Variants in AGO4 observed in about 807,000 individuals in gnomAD.
The protein encoded by AGO4 is protein argonaute-4.
A neutral mutation model predicts 104.7 loss-of-function variants in AGO4; 33 were observed. That is an observed-to-expected ratio of 0.32 (90% CI 0.24 to 0.42). AGO4 has a LOEUF of 0.42. Ranked by LOEUF, AGO4 falls within the 10% of genes least tolerant of loss-of-function variation. The pLI is 1.00. For synonymous variants in AGO4, 331 were observed against 364.7 expected, an observed-to-expected ratio of 0.91 and a Z score of 1.05; for missense variants, 711 against 1,083.4, an observed-to-expected ratio of 0.66 and a Z score of 4.83.
chr1:35,811,991 A>G (rs930820629), intron 1 of AGO4, among the ~76,000 whole-genome samples: 4 of 152,170 alleles, frequency 2.6e-5, no homozygotes, highest in African/African-American at 9.7e-5. Flanking sequence ...ACCGAGATGC[A>G]GAGAGGCCAA....
rs1644435640 is a variant in AGO4 at position 35,841,297 on chromosome 1, C to G, written c.1857C>G (p.Ala619=). The change falls in exon 14 of 18, where the codon GCC becomes GCG. Residue 619 remains alanine, a synonymous_variant. Transcript: ENST00000373210. This position sits in a 1 kb window ranked among gnomAD's most constrained non-coding sequence, Gnocchi z 4.7. ...SMDGHPSRYC[A]TVRVQTSRQE... ...ATGGCCACCCCAGCCGGTACTGTGC[C>G]ACCGTTCGGGTGCAGACTTCCCGGC... 1 of 1,614,182 alleles carries G rather than the reference C, an allele frequency of 6.2e-7. No homozygotes were observed. Among genetic ancestry groups the G allele is most frequent in the Non-Finnish European group, 8.5e-7 (1 of 1,180,034 alleles).
At chr1:35,832,404 T>G (rs1644207700) in intron 10 of AGO4, 33 bp from the exon 11 acceptor site, 1 of 1,546,796 alleles carries the variant, frequency 6.5e-7, no homozygotes, top group Non-Finnish European at 8.7e-7. Context: ...TTGTTTCTTC[T>G]TCTTCTTCTT....
At chr1:35,817,164 G>C (rs1643737699) in intron 2 of AGO4, 117 bp downstream of exon 2, 1 of 1,119,346 alleles carries the variant, frequency 8.9e-7, no homozygotes, top group Non-Finnish European at 1.2e-6. Context: ...AAGATGATAG[G>C]TTTCTTAATA....
intron 17 of AGO4, among the ~76,000 whole-genome samples, 196 bp from the exon 18 acceptor site, chr1:35,853,301 G>C (rs1644750493): frequency 6.6e-6 from 1 of 151,558 alleles, no homozygotes; most frequent in South Asian, 2.1e-4. Context: ...TATTTAGAAG[G>C]ACATAACAAA....
In AGO4 at chr1:35,822,975, G is replaced by A. The variant is rs528813399; in HGVS notation, c.299G>A (p.Arg100Gln). The A allele has an allele frequency of 6.2e-6, 10 of 1,613,766 alleles. No individual in the cohort carries two copies. The highest frequency in any genetic ancestry group is 4.5e-5 in the East Asian group (2 of 44,866). The change falls in exon 3 of 18, where the codon CGG becomes CAG. Residue 100 changes from arginine (R) to glutamine (Q), a missense_variant. This residue lies in a region of AGO4 where 308 missense variants were observed against 397.8 expected (regional missense o/e 0.77). Coordinates refer to ENST00000373210, the MANE Select transcript of AGO4 (RefSeq NM_017629.4). ...MYTAHPLPIG[R>Q]DRVDMEVTLP... is the part of the protein sequence containing the mutation. ...ACAGCACATCCACTACCAATTGGAC[G>A]GGATAGGGTAAGTGTTAAGAGCAAG...
chr1:35,826,164 A>G (rs1571274560), intron 6 of AGO4, 104 bp downstream of exon 6: 1 of 1,421,518 alleles, frequency 7.0e-7, no homozygotes, highest in Non-Finnish European at 9.5e-7. Flanking sequence ...CAGGCTAACC[A>G]CTTCTATCAA....
intron 15 of AGO4, among the ~76,000 whole-genome samples, chr1:35,844,195 T>A (rs1379025634): frequency 6.6e-6 from 1 of 152,032 alleles, no homozygotes; most frequent in African/African-American, 2.4e-5. Context: ...GCACTCACCA[T>A]CACTCTTGGC....
At chr1:35,832,268 G>C in intron 10 of AGO4, 83 bp downstream of exon 10, 1 of 1,560,582 alleles carries the variant, frequency 6.4e-7, no homozygotes, top group East Asian at 2.2e-5. Flanking sequence ...CTCTGCCACT[G>C]CTGAATTTAC....
chr1:35,830,180 A>G (rs1437170907), intron 7 of AGO4, among the ~76,000 whole-genome samples: 1 of 149,276 alleles, frequency 6.7e-6, no homozygotes, highest in Non-Finnish European at 1.5e-5. Context: ...TAAAGTTATT[A>G]TTGTACTAAG....
In AGO4 at chr1:35,841,496, C is replaced by T; in HGVS notation, c.2040+16C>T. ...AATGAAACAGGTACTCTCATTATCC[C>T]TGTTGCCCTTCGGGGCCCCTAGGAG... On this transcript the variant is annotated intron_variant, in intron 14 of 17. Coordinates refer to ENST00000373210, the MANE Select transcript of AGO4 (RefSeq NM_017629.4). The surrounding 1 kb of genome is among the most constrained non-coding windows in gnomAD (Gnocchi z 4.7). 6.2e-7 allele frequency: 1 copy of T among 1,610,164 alleles called. No individual in the cohort carries two copies. The highest frequency in any genetic ancestry group is 2.2e-5 in the East Asian group (1 of 44,804).
rs1553144549 is a variant in AGO4 at position 35,818,658 on chromosome 1, AAAGG to A, written c.185+1615_185+1618del. Among the ~76,000 whole-genome samples the A allele has an allele frequency of 4.9e-5, 3 of 61,578 alleles. No individual in the cohort carries two copies. The South Asian group carries it at 1.7e-3, about 36-fold the overall frequency. The allele number at this position is 61,578 out of a possible 152,430, so 40.4% of individuals were successfully genotyped here. On this transcript the variant is annotated intron_variant, in intron 2 of 17. Transcript: ENST00000373210. The stretch of plus-strand genomic sequence containing the variant: ...GAAAGAAAGAAAGAAAGAAAGAAAG[AAAGG>A]AAGAAAGGAAGGAAGGAAGGAAGGA...
At chr1:35,851,124 A>G in intron 17 of AGO4, 71 bp downstream of exon 17, 2 of 1,458,282 alleles carry the variant, frequency 1.4e-6, no homozygotes, top group Non-Finnish European at 1.9e-6. Flanking sequence ...GCTACAATAG[A>G]AAACTTTTTT....
chr1:35,834,484 G>C (rs1644258998), intron 12 of AGO4, among the ~76,000 whole-genome samples: 1 of 152,118 alleles, frequency 6.6e-6, no homozygotes, highest in African/African-American at 2.4e-5. Context: ...TACCCAACTT[G>C]CGTGGGAGCA....
intron 13 of AGO4, among the ~76,000 whole-genome samples, chr1:35,839,165 A>G (rs1644382517): frequency 6.6e-6 from 1 of 151,862 alleles, no homozygotes; most frequent in Non-Finnish European, 1.5e-5. Flanking sequence ...TATTTTTCAT[A>G]CAGACGAGGT....
intron 13 of AGO4, among the ~76,000 whole-genome samples, chr1:35,838,890 C>T (rs534983861): frequency 6.6e-6 from 1 of 151,962 alleles, no homozygotes; most frequent in African/African-American, 2.4e-5. Flanking sequence ...AATTGAGTGC[C>T]TTGCTCTTAC....
chr1:35,847,531 C>T (rs931279744), intron 15 of AGO4, among the ~76,000 whole-genome samples: 13 of 152,288 alleles, frequency 8.5e-5, no homozygotes, highest in South Asian at 2.1e-4. Flanking sequence ...CCACTGCTCC[C>T]GGCCCAAGTT....
intron 16 of AGO4, 71 bp downstream of exon 16, chr1:35,850,329 T>G: frequency 8.6e-7 from 1 of 1,156,374 alleles, no homozygotes; most frequent in East Asian, 2.3e-5. Context: ...CTAGCTTGAG[T>G]CGACTTGTTA....
chr1:35,808,648 AG>A lies in AGO4; in HGVS notation c.19+219del, dbSNP rs1250628780. On this transcript the variant is annotated intron_variant, in intron 1 of 17. Transcript: ENST00000373210. This position sits in a 1 kb window ranked among gnomAD's most constrained non-coding sequence, Gnocchi z 5.2. ...GGCCGTTGGGTGGATCCCGAGGTCCAGGGGGGAGGTTCGGGAAGGTGACCGG... is the reference window on the plus strand; with the variant it reads ...GGCCGTTGGGTGGATCCCGAGGTCCAGGGGGAGGTTCGGGAAGGTGACCGG... 2.0e-5 allele frequency among the ~76,000 whole-genome samples: 3 copies of A among 151,958 alleles called. No homozygotes were observed. Among genetic ancestry groups the A allele is most frequent in the African/African-American group, 7.2e-5 (3 of 41,414 alleles).
At chr1:35,823,982 GTTGA>G (rs1470659516) in intron 3 of AGO4, among the ~76,000 whole-genome samples, 1 of 152,084 alleles carries the variant, frequency 6.6e-6, no homozygotes, top group Non-Finnish European at 1.5e-5. Flanking sequence ...TAGGATTGAG[GTTGA>G]TTATGTCATC....
Sources: allele counts gnomAD v4.1 joint callset (sites outside exome capture counted in the v4.1 genomes callset), GRCh38; gene constraint gnomAD v4.1.1; regional missense constraint gnomAD v4.1.1; non-coding constraint Gnocchi (gnomAD v3.1); transcripts MANE v1.5; gene names NCBI Gene and HGNC (gene_info 2026-07-23, HGNC 2026-07-21).